WDR74: variants seen among roughly 807,000 people sequenced by gnomAD.
WDR74 encodes WD repeat domain 74.
A neutral mutation model predicts 45.6 loss-of-function variants in WDR74; 31 were observed. That is an observed-to-expected ratio of 0.68 (90% CI 0.51 to 0.92). WDR74 has a LOEUF of 0.92. Ranked by LOEUF, WDR74 falls within the 40% of genes least tolerant of loss-of-function variation. WDR74 has a pLI of 0.00. For synonymous variants in WDR74, 191 were observed against 192.4 expected (o/e 0.99, Z 0.06); for missense variants, 455 against 497.2 (o/e 0.92, Z 0.81).
At chr11:62,840,550 C>G (rs1022615166), upstream of WDR74, among the ~76,000 whole-genome samples, 1 of 152,012 alleles carries the variant, frequency 6.6e-6, no homozygotes, top group African/African-American at 2.4e-5. Flanking sequence ...AAAGTCATCG[C>G]TCAGTAGAAA....
upstream of WDR74, chr11:62,841,547 A>T (rs944543088): frequency 6.6e-6 from 1 of 151,164 alleles, no homozygotes; most frequent in African/African-American, 2.4e-5. Context: ...AAACAACAAG[A>T]ACATAACTAT....
Position 62,832,944 on chromosome 11 carries a change from CA to C in WDR74, c.*7del. On this transcript the variant is annotated 3_prime_UTR_variant, in exon 11 of 11. Transcript: ENST00000278856. ...CAGCAGTTTATTTACAAAGTGGGCA[CA>C]GGGGCGTCAGGGGCTGGTGGACCCA... is the stretch of plus-strand genomic sequence containing the variant. 1 of 1,595,772 alleles carries C rather than the reference CA, an allele frequency of 6.3e-7. No homozygotes were observed.
chr11:62,838,755 G>A (rs1218426314), intron 3 of WDR74, among the ~76,000 whole-genome samples: 2 of 140,872 alleles, frequency 1.4e-5, no homozygotes, highest in African/African-American at 5.6e-5. Flanking sequence ...CGAAAACTCC[G>A]TCTCCAAAAA....
chr11:62,833,975 C>G, intron 8 of WDR74, 38 bp from the exon 9 acceptor site: 1 of 1,603,830 alleles, frequency 6.2e-7, no homozygotes, highest in Non-Finnish European at 8.5e-7. Flanking sequence ...AACTGGCTGG[C>G]CAATAACCAA....
chr11:62,840,707 T>TAGC (rs2085032974), upstream of WDR74, among the ~76,000 whole-genome samples: 1 of 152,214 alleles, frequency 6.6e-6, no homozygotes, highest in Admixed American at 6.5e-5. Flanking sequence ...AATCTTGCTC[T>TAGC]GTCTCTCAGG....
At chr11:62,841,585 C>CT (rs1388868576), upstream of WDR74, 9 of 152,330 alleles carry the variant, frequency 5.9e-5, no homozygotes, top group East Asian at 1.7e-3. Context: ...TGATCGAAAT[C>CT]TTCCATTAAA....
upstream of WDR74, chr11:62,841,794 A>C (rs924708299): frequency 6.6e-6 from 1 of 152,340 alleles, no homozygotes; most frequent in Non-Finnish European, 1.5e-5. Context: ...TCTTAGCCAA[A>C]AGGCCGAGAA....
At chr11:62,839,264 G>A (rs750300129) in intron 2 of WDR74, 29 bp from the exon 3 acceptor site, 5 of 1,612,562 alleles carry the variant, frequency 3.1e-6, no homozygotes, top group Non-Finnish European at 4.2e-6. Context: ...AGATGGCGAG[G>A]AGAGCGAGGC....
At chr11:62,839,683 A>G (rs2085019839), upstream of WDR74, 7 of 1,302,152 alleles carry the variant, frequency 5.4e-6, no homozygotes, top group African/African-American at 4.4e-5. Flanking sequence ...GAGCCGAAAC[A>G]GTAAAGCTTC....
At chr11:62,834,896 G>A in intron 6 of WDR74, 2 of 272,840 alleles carry the variant, frequency 7.3e-6, no homozygotes, top group Non-Finnish European at 1.4e-5. Flanking sequence ...CCTCATATGT[G>A]TTTTGAGCAG....
At chr11:62,841,325 TAAATAAGAAATAAA>T (rs1458111536), upstream of WDR74, among the ~76,000 whole-genome samples, 1 of 151,406 alleles carries the variant, frequency 6.6e-6, no homozygotes, top group Admixed American at 6.6e-5. Context: ...TCAAAAAAAA[TAAATAAGAAATAAA>T]AATGGAAAAC....
upstream of WDR74, among the ~76,000 whole-genome samples, chr11:62,841,365 T>C (rs1017837680): frequency 1.4e-4 from 22 of 152,032 alleles, no homozygotes; most frequent in African/African-American, 4.8e-4. Context: ...CCGGGGGTGG[T>C]GGCAAGCGCT....
upstream of WDR74, chr11:62,839,645 A>C: frequency 3.3e-6 from 5 of 1,510,628 alleles, no homozygotes; most frequent in South Asian, 5.1e-5. Flanking sequence ...AGTCCGATGC[A>C]GCGCAGTGTA....
chr11:62,834,087 A>C, intron 8 of WDR74, 150 bp from the exon 9 acceptor site: 1 of 1,397,594 alleles, frequency 7.2e-7, no homozygotes, highest in Admixed American at 2.0e-5. Context: ...TTCGCAGGTG[A>C]GGAAACTAAG....
At chr11:62,841,716 T>TA (rs1461934038), upstream of WDR74, 2 of 152,194 alleles carry the variant, frequency 1.3e-5, no homozygotes, top group African/African-American at 2.4e-5. Context: ...AAAAATCCAT[T>TA]TAATATATTG....
intron 3 of WDR74, among the ~76,000 whole-genome samples, chr11:62,837,228 C>CA (rs1378418908): frequency 3.3e-5 from 5 of 152,124 alleles, no homozygotes; most frequent in Admixed American, 6.5e-5. Context: ...TGCAGTGGTT[C>CA]ACGCCTGTAA....
At chr11:62,834,588 C>T (rs1279618944) in intron 6 of WDR74, 61 bp from the exon 7 acceptor site, 21 of 1,442,182 alleles carry the variant, frequency 1.5e-5, no homozygotes, top group Non-Finnish European at 3.8e-6. Context: ...TCTGGCGTCT[C>T]TGCATCCTCA....
chr11:62,841,701 T>TA (rs2085064047), upstream of WDR74: 1 of 152,222 alleles, frequency 6.6e-6, no homozygotes, highest in Non-Finnish European at 1.5e-5. Flanking sequence ...CCATCTCCTA[T>TA]TTCCAAAAAT....
At chr11:62,837,682 A>C (rs1174667354) in intron 3 of WDR74, among the ~76,000 whole-genome samples, 1 of 152,002 alleles carries the variant, frequency 6.6e-6, no homozygotes, top group Non-Finnish European at 1.5e-5. Flanking sequence ...CCCATCCCTC[A>C]AGAACCAGTT....
Sources: gnomAD v4.1 joint callset for allele counts (sites outside exome capture counted in the v4.1 genomes callset) on GRCh38, gnomAD v4.1.1 for gene constraint, MANE v1.5 for transcripts, NCBI Gene and HGNC (gene_info 2026-07-23, HGNC 2026-07-21) for gene names.